Variants in CHRNA10 observed in about 807,000 individuals in gnomAD.
CHRNA10 encodes neuronal acetylcholine receptor subunit alpha-10.
CHRNA10 carries 31 observed loss-of-function variants against 36.0 expected under a neutral mutation model. The observed-to-expected ratio is 0.86, with a 90% CI of 0.65 to 1.16. The LOEUF is 1.16. CHRNA10 is among the 50% of genes most tolerant of loss of function. The probability of loss-of-function intolerance (pLI) is 0.00; values close to 1 mark genes in which losing one functional copy is unlikely to be tolerated. For synonymous variants in CHRNA10, 302 were observed against 287.0 expected (o/e 1.05, Z -0.53); for missense variants, 648 against 640.9 (o/e 1.01, Z -0.12).
rs138838925 is a variant in CHRNA10, at chr11:3,667,387, C to T, written c.740G>A (p.Cys247Tyr). The T allele has an allele frequency of 1.8e-3, 2,952 of 1,601,532 alleles. 4 individuals are homozygous for T. The highest frequency in any genetic ancestry group is 2.3e-3 in the Non-Finnish European group (2,700 of 1,178,376). Residue 247 changes from cysteine (C) to tyrosine (Y), a missense_variant, in exon 4 of 5, where the codon TGC becomes TAC. Cys to Tyr is a radical substitution (Grantham distance 194, BLOSUM62 -2). Transcript: ENST00000250699. ...CGGCGCAAGCAGCGAGATGAGCACG[C>T]AGGGCAGCAGCAGGTTGCACACGTA... ...AAYVCNLLLP[C>Y]VLISLLAPLA...
At chr11:3,670,865 C>A (rs1244879796) in intron 1 of CHRNA10, among the ~76,000 whole-genome samples, 1 of 152,230 alleles carries the variant, frequency 6.6e-6, no homozygotes, top group Non-Finnish European at 1.5e-5. Flanking sequence ...CAAAGGCTCA[C>A]CTTCTTCTAC....
Position 3,667,846 on chromosome 11 carries a change from C to T in CHRNA10, c.363-82G>A, listed in dbSNP as rs2231540. The T allele has an allele frequency of 6.5e-3, 8,329 of 1,276,524 alleles. 485 individuals carry two copies. The African/African-American group carries it at 0.12, about 18-fold the overall frequency. 79.1% of individuals were successfully genotyped at this position (1,276,524 alleles called of 1,614,324 possible). A position where few individuals can be genotyped will look rare whatever the true frequency, so the allele number is the denominator to read the frequency against. On this transcript the variant is annotated intron_variant, in intron 3 of 4. Coordinates refer to ENST00000250699, the MANE Select transcript of CHRNA10 (RefSeq NM_020402.4). ...GAGGCCGGGAGCCCAGGGCAGACCC[C>T]CAGGGGCTGAAAGAAACCAAAACTT... is the stretch of plus-strand genomic sequence containing the variant.
rs765490656 is a variant in CHRNA10 at position 3,667,240 on chromosome 11, G to T, written c.887C>A (p.Pro296Gln). 1.3e-5 allele frequency: 20 copies of T among 1,583,556 alleles called. No homozygotes were observed. The Admixed American group carries it at 1.6e-4, about 12-fold the overall frequency. The change falls in exon 4 of 5, where the codon CCG becomes CAG. Residue 296 changes from proline (P) to glutamine (Q), a missense_variant. Pro to Gln is a moderately conservative substitution (Grantham distance 76). Transcript: ENST00000250699. Reference protein sequence around the residue: ...AESMPPAESVPLIGKYYMATM... With the variant: ...AESMPPAESVQLIGKYYMATM... ...GCGCCCCCGCTGCTCACCGATGAGC[G>T]GCACGCTCTCGGCCGGTGGCATGCT...
At position 3,666,157 on chromosome 11, in the gene CHRNA10, A is replaced by T. The variant is rs777688583; in HGVS notation, c.1303T>A (p.Phe435Ile). ...VMDRFFLAIF[F>I]SMALVMSLLV... is the part of the protein sequence containing the mutation. ...AGGCTCATGACCAGGGCCATGGAGAAGAAGATGGCCAGGAAGAAGCGGTCC... is the reference window on the plus strand; with the variant it reads ...AGGCTCATGACCAGGGCCATGGAGATGAAGATGGCCAGGAAGAAGCGGTCC... Residue 435 changes from phenylalanine to isoleucine, a missense_variant, in exon 5 of 5, where the codon TTC becomes ATC. Coordinates refer to ENST00000250699, the MANE Select transcript of CHRNA10 (RefSeq NM_020402.4). The T allele has an allele frequency of 3.7e-6, 6 of 1,602,790 alleles. No individual in the cohort carries two copies. Among genetic ancestry groups the T allele is most frequent in the Non-Finnish European group, 5.1e-6 (6 of 1,174,438 alleles).
At chr11:3,669,100 A>G in intron 3 of CHRNA10, 96 bp downstream of exon 3, 3 of 1,384,764 alleles carry the variant, frequency 2.2e-6, no homozygotes, top group Non-Finnish European at 2.9e-6. Context: ...CGTGGCAACC[A>G]GGTTATGTGG....
Position 3,669,951 on chromosome 11 carries a change from C to T in CHRNA10, c.62-10G>A, listed in dbSNP as rs771158222. ...TCAGCTCCCAGGCACTCTGGAGGGT[C>T]AGTAAGGAGGGTTGTCCATCCCAGG... On this transcript the variant is annotated splice_polypyrimidine_tract_variant and intron_variant, in intron 1 of 4. Transcript: ENST00000250699. 19 of 1,613,932 alleles carry T rather than the reference C, an allele frequency of 1.2e-5. No homozygotes were observed. The South Asian group carries it at 2.0e-4, about 17-fold the overall frequency.
intron 4 of CHRNA10, among the ~76,000 whole-genome samples, chr11:3,666,995 C>T (rs2077667170): frequency 6.6e-6 from 1 of 152,186 alleles, no homozygotes; most frequent in African/African-American, 2.4e-5. Flanking sequence ...ACAGATTTTG[C>T]CTATCATTAG....
In CHRNA10 at chr11:3,667,315, C is replaced by T. The variant is rs763249970; in HGVS notation, c.812G>A (p.Gly271Asp). The change falls in exon 4 of 5, where the codon GGC becomes GAC. Residue 271 changes from glycine to aspartate, a missense_variant. Coordinates refer to ENST00000250699, the MANE Select transcript of CHRNA10 (RefSeq NM_020402.4). ...PADSGEKVSL[G>D]VTVLLALTVF... is the part of the protein sequence containing the mutation. The stretch of plus-strand genomic sequence containing the variant: ...GGTGAGCGCCAGCAGCACGGTGACG[C>T]CCAGCGACACCTTCTCGCCTGAGTC... The T allele has an allele frequency of 1.3e-6, 2 of 1,599,074 alleles. No individual in the cohort carries two copies. Among genetic ancestry groups the T allele is most frequent in the Non-Finnish European group, 1.7e-6 (2 of 1,178,136 alleles).
chr11:3,668,081 G>T (rs2077683273), intron 3 of CHRNA10, among the ~76,000 whole-genome samples: 1 of 152,214 alleles, frequency 6.6e-6, no homozygotes, highest in Non-Finnish European at 1.5e-5. Context: ...AAAGGTGGCT[G>T]TCCTTTGTCT....
At position 3,666,150 on chromosome 11, in the gene CHRNA10, A is replaced by G. The variant is rs1462110989; in HGVS notation, c.1310T>C (p.Met437Thr). 6.3e-7 allele frequency: 1 copy of G among 1,599,046 alleles called. No homozygotes were observed. The highest frequency in any genetic ancestry group is 1.3e-5 in the African/African-American group (1 of 74,638). The change falls in exon 5 of 5, where the codon ATG (methionine) becomes ACG (threonine). Residue 437 changes from methionine to threonine, a missense_variant. Coordinates refer to ENST00000250699, the MANE Select transcript of CHRNA10 (RefSeq NM_020402.4). ...CACCAGGAGGCTCATGACCAGGGCC[A>G]TGGAGAAGAAGATGGCCAGGAAGAA... The part of the protein sequence containing the change: ...DRFFLAIFFS[M>T]ALVMSLLVLV...
At position 3,667,586 on chromosome 11, in the gene CHRNA10, G is replaced by T; in HGVS notation, c.541C>A (p.Gln181Lys). 1 of 1,555,924 alleles carries T rather than the reference G, an allele frequency of 6.4e-7. No homozygotes were observed. ...TFGSWTHGGH[Q>K]LDVRPRGAAA... ...GCGCCGCGCGGCCGCACATCCAGTT[G>T]GTGCCCGCCGTGAGTCCAGGAGCCG... The change falls in exon 4 of 5, where the codon CAA becomes AAA. Residue 181 changes from glutamine to lysine, a missense_variant. Physicochemically the swap from Gln to Lys is moderately conservative, Grantham distance 53. Transcript: ENST00000250699.
chr11:3,668,310 G>A (rs545742694), intron 3 of CHRNA10, among the ~76,000 whole-genome samples: 3 of 152,224 alleles, frequency 2.0e-5, no homozygotes, highest in East Asian at 1.9e-4. Flanking sequence ...TCAGGAGATC[G>A]AGACCACCCT....
Position 3,670,021 on chromosome 11 carries a change from G to A in CHRNA10, c.62-80C>T, listed in dbSNP as rs2077702662. 7.7e-5 allele frequency: 117 copies of A among 1,517,028 alleles called. 3 individuals are homozygous for A. The South Asian group carries it at 1.2e-3, about 15-fold the overall frequency. 94.0% of individuals were successfully genotyped at this position (1,517,028 alleles called of 1,614,324 possible). ...GCTCACACCCTCCACTCCCAGGGCT[G>A]GGGCCCTGTCCTTATGAGTGTCCTC... On this transcript the variant is annotated intron_variant, in intron 1 of 4. Coordinates refer to ENST00000250699, the MANE Select transcript of CHRNA10 (RefSeq NM_020402.4).
chr11:3,666,058 T>C lies in CHRNA10; in HGVS notation c.*49A>G, dbSNP rs940224195. The C allele has an allele frequency of 6.8e-7, 1 of 1,477,214 alleles. No homozygotes were observed. The highest frequency in any genetic ancestry group is 9.0e-7 in the Non-Finnish European group (1 of 1,109,986). The allele number at this position is 1,477,214 out of a possible 1,614,324, so 91.5% of individuals were successfully genotyped here. A position where few individuals can be genotyped will look rare whatever the true frequency, so the allele number is the denominator to read the frequency against. ...AACCACTTGGCCGTGGCTGTCCCTT[T>C]CTGGAGGAGCTGTGGCTGCAGCAGA... On this transcript the variant is annotated 3_prime_UTR_variant, in exon 5 of 5. Transcript: ENST00000250699.
At position 3,667,770 on chromosome 11, in the gene CHRNA10, G is replaced by A. The variant is rs776387373; in HGVS notation, c.363-6C>T. 2.0e-6 allele frequency: 3 copies of A among 1,503,100 alleles called. No homozygotes were observed. Among genetic ancestry groups the A allele is most frequent in the Non-Finnish European group, 2.6e-6 (3 of 1,133,554 alleles). 93.1% of individuals were successfully genotyped at this position (1,503,100 alleles called of 1,614,324 possible). ...CTGGAGGCTGCGCGTCGGCTCTGGG[G>A]GCAGGCGGGGCAGGGCTCACCTAGG... is the stretch of plus-strand genomic sequence containing the variant. On this transcript the variant is annotated splice_polypyrimidine_tract_variant and splice_region_variant and intron_variant, in intron 3 of 4. Transcript: ENST00000250699.
Position 3,667,251 on chromosome 11 carries a change from G to T in CHRNA10, c.876C>A (p.Ala292=). The change falls in exon 4 of 5, where the codon GCC becomes GCA. Residue 292 remains alanine (A), a synonymous_variant. Transcript: ENST00000250699. ...QLLLAESMPP[A]ESVPLIGKYY... The stretch of plus-strand genomic sequence containing the variant: ...GCTCACCGATGAGCGGCACGCTCTC[G>T]GCCGGTGGCATGCTCTCGGCCAGCA... 1.9e-6 allele frequency: 3 copies of T among 1,589,920 alleles called. No individual in the cohort carries two copies. Among genetic ancestry groups the T allele is most frequent in the Non-Finnish European group, 2.6e-6 (3 of 1,175,792 alleles).
At position 3,666,332 on chromosome 11, in the gene CHRNA10, A is replaced by C. The variant is rs763185373; in HGVS notation, c.1128T>G (p.Ala376=). 1 of 1,613,362 alleles carries C rather than the reference A, an allele frequency of 6.2e-7. No homozygotes were observed. The highest frequency in any genetic ancestry group is 2.2e-5 in the East Asian group (1 of 44,882). The change falls in exon 5 of 5, where the codon GCT becomes GCG. Residue 376 remains alanine (A), a synonymous_variant. Transcript: ENST00000250699. ...SPSPQSPEGG[A]GPPAGPCHEP... ...CGTGGCAAGGGCCCGCTGGGGGGCC[A>C]GCCCCTCCTTCAGGCGACTGGGGGC...
In CHRNA10 at chr11:3,671,376, G is replaced by A; in HGVS notation, c.-64C>T. 6.6e-7 allele frequency: 1 copy of A among 1,513,948 alleles called. No homozygotes were observed. The highest frequency in any genetic ancestry group is 9.2e-7 in the Non-Finnish European group (1 of 1,091,792). The allele number at this position is 1,513,948 out of a possible 1,614,324, so 93.8% of individuals were successfully genotyped here. The stretch of plus-strand genomic sequence containing the variant: ...GTGAGGCCTCCTGGCCAGACCTAGG[G>A]CAAAATTAGGCCCAGCTGGCAAGGA... On this transcript the variant is annotated 5_prime_UTR_variant, in exon 1 of 5. Coordinates refer to ENST00000250699, the MANE Select transcript of CHRNA10 (RefSeq NM_020402.4).
chr11:3,670,007 C>T, intron 1 of CHRNA10, 66 bp from the exon 2 acceptor site: 1 of 1,575,492 alleles, frequency 6.3e-7, no homozygotes, highest in Non-Finnish European at 8.7e-7. Flanking sequence ...CTCACACCCT[C>T]CACTCCCAGG....
Sources: gnomAD v4.1 joint callset for allele counts (sites outside exome capture counted in the v4.1 genomes callset) on GRCh38, gnomAD v4.1.1 for gene constraint, MANE v1.5 for transcripts, NCBI Gene and HGNC (gene_info 2026-07-23, HGNC 2026-07-21) for gene names.